SLC38A4: variants seen among roughly 807,000 people sequenced by gnomAD.
The protein encoded by SLC38A4 is solute carrier family 38 member 4, also known as sodium-coupled neutral amino acid transporter 4.
In SLC38A4, 20 loss-of-function variants were observed where a neutral mutation model predicts 63.1. The observed-to-expected ratio is 0.32, with a 90% CI of 0.22 to 0.46. The LOEUF (loss-of-function observed/expected upper bound fraction) is 0.46. Ranked by LOEUF, SLC38A4 falls within the 20% of genes least tolerant of loss-of-function variation. The pLI is 1.00. For synonymous variants in SLC38A4, 230 were observed against 225.5 expected (o/e 1.02, Z -0.18); for missense variants, 526 against 663.6 (o/e 0.79, Z 2.28).
chr12:46,787,794 G>T, intron 5 of SLC38A4, 122 bp downstream of exon 5: 1 of 648,792 alleles, frequency 1.5e-6, no homozygotes, highest in Non-Finnish European at 2.6e-6. Flanking sequence ...GTGACCAAGT[G>T]CCATGATTAG....
chr12:46,796,166 T>C (rs894899926), intron 2 of SLC38A4, among the ~76,000 whole-genome samples: 5 of 152,156 alleles, frequency 3.3e-5, no homozygotes, highest in African/African-American at 9.6e-5. Flanking sequence ...CCTTCAGCTA[T>C]ATCCGTTTCA....
intron 7 of SLC38A4, 39 bp downstream of exon 7, chr12:46,784,503 G>T: frequency 6.6e-7 from 1 of 1,523,924 alleles, no homozygotes; most frequent in South Asian, 1.2e-5. Flanking sequence ...ACACGCTATA[G>T]AAAGTTTATG....
At chr12:46,790,747 A>C (rs1342995671) in intron 3 of SLC38A4, among the ~76,000 whole-genome samples, 1 of 152,070 alleles carries the variant, frequency 6.6e-6, no homozygotes, top group South Asian at 2.1e-4. Context: ...AAGATTGTAT[A>C]AAATAGATGA....
intron 7 of SLC38A4, 107 bp from the exon 8 acceptor site, chr12:46,780,137 G>A: frequency 8.5e-6 from 7 of 820,888 alleles, no homozygotes; most frequent in South Asian, 7.9e-5. Flanking sequence ...TCCCCCAAAT[G>A]GAAAAAAAAG....
rs555555239 is a variant in SLC38A4 at position 46,766,422 on chromosome 12, G to A, written c.*279C>T. ...ACATGCAGTTACCCTTATTCTGCTC[G>A]TAAAGCAGCAAAAATACACCTTCAT... On this transcript the variant is annotated 3_prime_UTR_variant, in exon 17 of 17. Transcript: ENST00000266579. The A allele has an allele frequency of 3.0e-5, 16 of 537,296 alleles. No individual in the cohort carries two copies. Among genetic ancestry groups the A allele is most frequent in the African/African-American group, 1.1e-4 (6 of 53,240 alleles). 33.3% of individuals were successfully genotyped at this position (537,296 alleles called of 1,614,324 possible).
intron 3 of SLC38A4, among the ~76,000 whole-genome samples, chr12:46,789,815 G>A (rs528303754): frequency 6.3e-4 from 96 of 152,244 alleles, no homozygotes; most frequent in South Asian, 5.2e-3. Context: ...AGTGGCTCAC[G>A]CCTGTAATCC....
chr12:46,778,404 C>T (rs761739430), intron 11 of SLC38A4, 36 bp from the exon 12 acceptor site: 1 of 1,611,620 alleles, frequency 6.2e-7, no homozygotes, highest in Admixed American at 1.7e-5. Context: ...GTTTAGCATT[C>T]CAACATAGAT....
intron 13 of SLC38A4, 108 bp from the exon 14 acceptor site, chr12:46,775,281 C>T: frequency 7.3e-7 from 1 of 1,362,974 alleles, no homozygotes; most frequent in Non-Finnish European, 9.7e-7. Flanking sequence ...AAGACCTAGG[C>T]CTGGGAATCC....
At position 46,764,970 on chromosome 12, in the gene SLC38A4, A is replaced by C. The variant is rs895239239; in HGVS notation, c.*1731T>G. ...TTTTAATCCTGGTTATGAAGAAAAA[A>C]ATGGTGCTTTATTATTTGGCACTAT... On this transcript the variant is annotated 3_prime_UTR_variant, in exon 17 of 17. Transcript: ENST00000266579. The C allele has an allele frequency of 6.6e-6, 1 of 152,572 alleles. No individual in the cohort carries two copies. The highest frequency in any genetic ancestry group is 1.5e-5 in the Non-Finnish European group (1 of 67,992). 9.5% of individuals were successfully genotyped at this position (152,572 alleles called of 1,614,324 possible). A position where few individuals can be genotyped will look rare whatever the true frequency, so the allele number is the denominator to read the frequency against.
At chr12:46,770,149 T>C (rs1232817683) in intron 14 of SLC38A4, among the ~76,000 whole-genome samples, 1 of 152,088 alleles carries the variant, frequency 6.6e-6, no homozygotes, top group East Asian at 1.9e-4. Context: ...AGAAACATAG[T>C]AAAACCCTTG....
intron 15 of SLC38A4, 103 bp downstream of exon 15, chr12:46,769,181 T>G: frequency 1.5e-6 from 2 of 1,301,626 alleles, no homozygotes; most frequent in Non-Finnish European, 2.2e-6. Flanking sequence ...TCCATGAGCC[T>G]GAGAAAGAAC....
At chr12:46,832,400 C>T (rs2120950074) in exon 1 of SLC38A4, 1 of 152,276 alleles carries the variant, frequency 6.6e-6, no homozygotes, top group South Asian at 2.1e-4. Flanking sequence ...AGAGACCCTT[C>T]TTTCTTTTCT....
chr12:46,798,947 C>T (rs1246523612), intron 2 of SLC38A4, among the ~76,000 whole-genome samples: 4 of 152,116 alleles, frequency 2.6e-5, no homozygotes, highest in African/African-American at 9.7e-5. Flanking sequence ...GTAAGCGAAA[C>T]TGGGTATAAA....
intron 5 of SLC38A4, among the ~76,000 whole-genome samples, chr12:46,786,426 G>A (rs1203723130): frequency 6.6e-6 from 1 of 152,018 alleles, no homozygotes; most frequent in Non-Finnish European, 1.5e-5. Flanking sequence ...GTGTTTATAA[G>A]CCTAAAATGA....
chr12:46,827,141 A>T (rs1939669007), upstream of SLC38A4, among the ~76,000 whole-genome samples: 1 of 152,220 alleles, frequency 6.6e-6, no homozygotes, highest in Admixed American at 6.5e-5. Context: ...ATAGCCAACA[A>T]GAAATAATCA....
intron 2 of SLC38A4, among the ~76,000 whole-genome samples, chr12:46,798,682 AT>A (rs376660342): frequency 2.4e-4 from 37 of 152,118 alleles, no homozygotes; most frequent in African/African-American, 8.0e-4. Context: ...TAATCCCAGA[AT>A]TTTTTTAGAA....
At chr12:46,801,552 C>A (rs1939132889) in intron 2 of SLC38A4, among the ~76,000 whole-genome samples, 1 of 152,074 alleles carries the variant, frequency 6.6e-6, no homozygotes, top group African/African-American at 2.4e-5. Context: ...CCAGTATTGA[C>A]AAATTCACTT....
intron 1 of SLC38A4, among the ~76,000 whole-genome samples, chr12:46,819,939 C>T (rs370535537): frequency 1.3e-5 from 2 of 151,782 alleles, no homozygotes; most frequent in African/African-American, 2.4e-5. Flanking sequence ...ATGATGACTC[C>T]GAGGCACTCT....
At chr12:46,794,098 A>T (rs1006769195) in intron 2 of SLC38A4, among the ~76,000 whole-genome samples, 1 of 152,184 alleles carries the variant, frequency 6.6e-6, no homozygotes, top group Non-Finnish European at 1.5e-5. Flanking sequence ...TGTGGTCATG[A>T]CATGTGCAAT....
Sources: allele counts gnomAD v4.1 joint callset (sites outside exome capture counted in the v4.1 genomes callset), GRCh38; gene constraint gnomAD v4.1.1; transcripts MANE v1.5; gene names NCBI Gene and HGNC (gene_info 2026-07-23, HGNC 2026-07-21).